Variants in MEGF6 observed in about 807,000 individuals in gnomAD.
MEGF6 encodes the protein multiple epidermal growth factor-like domains protein 6.
Under a neutral mutation model 207.1 loss-of-function variants are expected in MEGF6, and 184 were observed. The ratio of observed to expected loss-of-function variants is 0.89; its 90% confidence interval spans 0.79 to 1.00. The LOEUF (loss-of-function observed/expected upper bound fraction) is 1.00, where lower values mean the gene tolerates loss of function less well. Ranked by LOEUF, MEGF6 falls within the 50% of genes least tolerant of loss-of-function variation. The pLI is 0.00. For synonymous variants in MEGF6, 1,038 were observed against 910.0 expected (o/e 1.14, Z -2.53); for missense variants, 2,282 against 2,202.9 (o/e 1.04, Z -0.72).
chr1:3,519,410 C>T (rs902057509), intron 5 of MEGF6, among the ~76,000 whole-genome samples: 4 of 152,264 alleles, frequency 2.6e-5, no homozygotes, highest in Non-Finnish European at 5.9e-5. Context: ...GGGGCACTCC[C>T]AGGTGGGAGC....
Position 3,611,331 on chromosome 1 carries a change from C to T in MEGF6, c.-63G>A. 7.2e-7 allele frequency: 1 copy of T among 1,387,676 alleles called. No individual in the cohort carries two copies. 86.0% of individuals were successfully genotyped at this position (1,387,676 alleles called of 1,614,324 possible). A position where few individuals can be genotyped will look rare whatever the true frequency, so the allele number is the denominator to read the frequency against. On this transcript the variant is annotated 5_prime_UTR_variant, in exon 1 of 37. Coordinates refer to ENST00000356575, the MANE Select transcript of MEGF6 (RefSeq NM_001409.4). The stretch of plus-strand genomic sequence containing the variant: ...GGCGGCCCCGGCGGCTCCCCGGAGC[C>T]TCCGCCTCCACGTGCGCCATAGGAC...
At chr1:3,552,307 C>T (rs972780870) in intron 4 of MEGF6, among the ~76,000 whole-genome samples, 4 of 152,236 alleles carry the variant, frequency 2.6e-5, no homozygotes, top group Non-Finnish European at 5.9e-5. Flanking sequence ...GGGCAGGTGT[C>T]CAGGCCCCCA....
At chr1:3,553,529 C>T (rs1198989534) in intron 4 of MEGF6, among the ~76,000 whole-genome samples, 1 of 152,214 alleles carries the variant, frequency 6.6e-6, no homozygotes, top group Non-Finnish European at 1.5e-5. Flanking sequence ...GAGCTGTCCT[C>T]AGAGATGGTG....
chr1:3,602,491 C>A lies in MEGF6; in HGVS notation c.241G>T (p.Ala81Ser). 1.2e-6 allele frequency: 2 copies of A among 1,613,388 alleles called. No homozygotes were observed. The highest frequency in any genetic ancestry group is 1.7e-6 in the Non-Finnish European group (2 of 1,179,906). ...PVWKAGCGWQAWCVGHERRTV... is the reference protein window; with the variant it reads ...PVWKAGCGWQSWCVGHERRTV... Reference sequence around the variant, plus strand: ...CTCCGCTCATGACCCACGCACCACGCCTGCCACCCACAGCCGGCCTTCCAC... The same window carrying A: ...CTCCGCTCATGACCCACGCACCACGACTGCCACCCACAGCCGGCCTTCCAC... Residue 81 changes from alanine to serine, a missense_variant, in exon 2 of 37, where the codon GCG becomes TCG. Ala to Ser is a moderately conservative substitution (Grantham distance 99). Coordinates refer to ENST00000356575, the MANE Select transcript of MEGF6 (RefSeq NM_001409.4).
At chr1:3,571,457 G>A (rs557611121) in intron 4 of MEGF6, among the ~76,000 whole-genome samples, 1 of 152,010 alleles carries the variant, frequency 6.6e-6, no homozygotes, top group Non-Finnish European at 1.5e-5. Context: ...AGACACGCTG[G>A]GTCCTCCCCA....
chr1:3,572,073 T>C (rs1413148858), intron 4 of MEGF6, among the ~76,000 whole-genome samples: 1 of 145,740 alleles, frequency 6.9e-6, no homozygotes, highest in Non-Finnish European at 1.5e-5. Context: ...TGCTGGGTCC[T>C]TCCTGGTATG....
intron 4 of MEGF6, among the ~76,000 whole-genome samples, chr1:3,545,704 C>T (rs956483460): frequency 5.3e-5 from 8 of 152,304 alleles, no homozygotes; most frequent in African/African-American, 9.6e-5. Flanking sequence ...CAGAATGGAG[C>T]GGGGGTCCGG....
intron 4 of MEGF6, among the ~76,000 whole-genome samples, chr1:3,543,797 T>C (rs1642608266): frequency 6.6e-6 from 1 of 152,208 alleles, no homozygotes; most frequent in Non-Finnish European, 1.5e-5. Context: ...CCTGAAGGGA[T>C]ACGGGTCGAG....
intron 18 of MEGF6, among the ~76,000 whole-genome samples, 191 bp downstream of exon 18, chr1:3,501,605 G>C (rs1640870372): frequency 6.6e-6 from 1 of 152,104 alleles, no homozygotes; most frequent in African/African-American, 2.4e-5. Flanking sequence ...GGGCAGCCTG[G>C]AAGCCCCAGG....
chr1:3,500,056 G>A (rs1235799501), intron 21 of MEGF6, 132 bp from the exon 22 acceptor site: 10 of 1,320,966 alleles, frequency 7.6e-6, no homozygotes, highest in Non-Finnish European at 1.0e-5. Context: ...CTGCCCAAGG[G>A]AGACTGGGCT....
At position 3,494,459 on chromosome 1, in the gene MEGF6, C is replaced by T. The variant is rs765186511; in HGVS notation, c.4041G>A (p.Glu1347=). 6.3e-7 allele frequency: 1 copy of T among 1,576,766 alleles called. No individual in the cohort carries two copies. The change falls in exon 32 of 37, where the codon GAG becomes GAA. Residue 1347 remains glutamate (E), a synonymous_variant. Transcript: ENST00000356575. ...ACGTGCTGTTGTTGTGGCAGGAGCA[C>T]TCCAGATGGCAGGCGGCTCCGTAGC... ...PGRYGAACHL[E]CSCHNNSTCE...
Position 3,551,349 on chromosome 1 carries a change from G to A in MEGF6, c.482-27103C>T, listed in dbSNP as rs571404606. Among the ~76,000 whole-genome samples the A allele has an allele frequency of 2.6e-5, 4 of 152,316 alleles. No homozygotes were observed. The East Asian group carries it at 5.8e-4, about 22-fold the overall frequency. ...GGCTGCTGGGGACGACAGGACCTAAGGGGCCAAAGGGGTGGGATGTGGGGA... is the reference window on the plus strand; with the variant it reads ...GGCTGCTGGGGACGACAGGACCTAAAGGGCCAAAGGGGTGGGATGTGGGGA... On this transcript the variant is annotated intron_variant, in intron 4 of 36. Transcript: ENST00000356575.
Position 3,602,536 on chromosome 1 carries a change from A to G in MEGF6, c.196T>C (p.Leu66=). The G allele has an allele frequency of 6.2e-7, 1 of 1,613,106 alleles. No individual in the cohort carries two copies. The highest frequency in any genetic ancestry group is 1.1e-5 in the South Asian group (1 of 91,046). ...VGRRQPCVQA[L]SHTVPVWKAG... ...TTCCACACCGGCACCGTGTGGCTTA[A>G]GGCCTGCACGCACGGCTGGCGGCGG... Residue 66 remains leucine (L), a synonymous_variant, in exon 2 of 37, where the codon TTA becomes CTA. Coordinates refer to ENST00000356575, the MANE Select transcript of MEGF6 (RefSeq NM_001409.4).
intron 1 of MEGF6, among the ~76,000 whole-genome samples, chr1:3,610,563 G>A (rs1197839781): frequency 6.6e-6 from 1 of 152,204 alleles, no homozygotes; most frequent in Admixed American, 6.5e-5. Context: ...ATGAGAGACC[G>A]CTAAACGGCC....
intron 3 of MEGF6, among the ~76,000 whole-genome samples, chr1:3,587,932 G>A (rs1643916094): frequency 7.6e-5 from 1 of 13,132 alleles, no homozygotes. Context: ...GAGGCCAGGA[G>A]GGGGCAGGAG....
chr1:3,498,362 C>A lies in MEGF6; in HGVS notation c.3352+9G>T. Reference sequence around the variant, plus strand: ...CCTGCAGACCCCCCTGCTGCCCCGCCCCACTCACGGCTCTGACACTTGTCC... The same window carrying A: ...CCTGCAGACCCCCCTGCTGCCCCGCACCACTCACGGCTCTGACACTTGTCC... On this transcript the variant is annotated intron_variant, in intron 26 of 36. Coordinates refer to ENST00000356575, the MANE Select transcript of MEGF6 (RefSeq NM_001409.4). 6.3e-7 allele frequency: 1 copy of A among 1,599,148 alleles called. No homozygotes were observed.
At position 3,489,471 on chromosome 1, in the gene MEGF6, C is replaced by G. The variant is rs1312222469; in HGVS notation, c.*1057G>C. On this transcript the variant is annotated 3_prime_UTR_variant, in exon 37 of 37. Transcript: ENST00000356575. The stretch of plus-strand genomic sequence containing the variant: ...CTCTACCCTCTGCCTCTTCCTTCCA[C>G]TCTGGGCCCTTCTTCCAGGAGAAGT... 6.6e-6 allele frequency among the ~76,000 whole-genome samples: 1 copy of G among 152,226 alleles called. No individual in the cohort carries two copies. The highest frequency in any genetic ancestry group is 2.4e-5 in the African/African-American group (1 of 41,462).
intron 4 of MEGF6, among the ~76,000 whole-genome samples, chr1:3,557,776 G>A (rs544241044): frequency 6.6e-6 from 1 of 152,336 alleles, no homozygotes; most frequent in East Asian, 1.9e-4. Flanking sequence ...GGGCATATCA[G>A]GGAAGGCCTC....
intron 5 of MEGF6, 142 bp downstream of exon 5, chr1:3,523,982 C>T (rs925388822): frequency 1.1e-6 from 1 of 949,150 alleles, no homozygotes. Flanking sequence ...TAGAGCCATG[C>T]TCCGCAGGAA....
Sources: allele counts gnomAD v4.1 joint callset (sites outside exome capture counted in the v4.1 genomes callset), GRCh38; gene constraint gnomAD v4.1.1; transcripts MANE v1.5; gene names NCBI Gene and HGNC (gene_info 2026-07-23, HGNC 2026-07-21).